The following HSDL2 variants were observed in gnomAD, a reference collection of about 807,000 sequenced individuals.
The protein encoded by HSDL2 is hydroxysteroid dehydrogenase like 2, also known as hydroxysteroid dehydrogenase-like protein 2.
Under a neutral mutation model 46.3 loss-of-function variants are expected in HSDL2, and 27 were observed. The observed-to-expected ratio is 0.58, with a 90% CI of 0.43 to 0.80. The LOEUF is 0.80. Among genes scored for constraint, HSDL2 ranks in the 30% least tolerant of loss-of-function variants. The probability of loss-of-function intolerance (pLI) is 0.00; values close to 1 mark genes in which losing one functional copy is unlikely to be tolerated. For synonymous variants in HSDL2, 153 were observed against 163.6 expected (o/e 0.94, Z 0.50); for missense variants, 451 against 502.7 (o/e 0.90, Z 0.98).
Position 112,404,007 on chromosome 9 carries a change from A to G in HSDL2, c.30A>G (p.Gly10=). The G allele has an allele frequency of 1.9e-6, 3 of 1,614,050 alleles. No individual in the cohort carries two copies. Among genetic ancestry groups the G allele is most frequent in the Non-Finnish European group, 2.5e-6 (3 of 1,179,954 alleles). The change falls in exon 2 of 11, where the codon GGA becomes GGG. Residue 10 remains glycine (G), a synonymous_variant. Coordinates refer to ENST00000398805, the MANE Select transcript of HSDL2 (RefSeq NM_032303.5). ...TGTTCTGTTGTAGGAGGCTGGCAGG[A>G]TGTACAGTTTTTATCACAGGTGCAA... is the stretch of plus-strand genomic sequence containing the variant. MLPNTGRLA[G]CTVFITGASR... is the part of the protein sequence containing the mutation.
At chr9:112,388,348 C>T (rs1587925615) in intron 1 of HSDL2, among the ~76,000 whole-genome samples, 1 of 151,586 alleles carries the variant, frequency 6.6e-6, no homozygotes, top group East Asian at 1.9e-4. Flanking sequence ...GTAATCCCAG[C>T]TACTCGGGAG....
At chr9:112,419,458 C>T (rs1417499609) in intron 6 of HSDL2, among the ~76,000 whole-genome samples, 1 of 152,154 alleles carries the variant, frequency 6.6e-6, no homozygotes, top group Non-Finnish European at 1.5e-5. Flanking sequence ...TTGGCTTAGA[C>T]TACATGAGTG....
intron 10 of HSDL2, among the ~76,000 whole-genome samples, chr9:112,459,812 T>C (rs1487381031): frequency 6.6e-6 from 1 of 152,174 alleles, no homozygotes; most frequent in African/African-American, 2.4e-5. Context: ...TAATATAATG[T>C]TGGGAACAGT....
intron 7 of HSDL2, 87 bp downstream of exon 7, chr9:112,438,712 T>C: frequency 1.3e-6 from 1 of 778,634 alleles, no homozygotes; most frequent in Non-Finnish European, 2.0e-6. Context: ...TGTGTTTGTG[T>C]GATTGTAAAA....
At chr9:112,414,439 C>A (rs374844878) in intron 4 of HSDL2, among the ~76,000 whole-genome samples, 2 of 152,168 alleles carry the variant, frequency 1.3e-5, no homozygotes, top group South Asian at 2.1e-4. Flanking sequence ...CTATTTTATT[C>A]GGCTGAAGGT....
At chr9:112,409,669 C>CA (rs34816838) in intron 4 of HSDL2, among the ~76,000 whole-genome samples, 4 of 151,576 alleles carry the variant, frequency 2.6e-5, no homozygotes, top group African/African-American at 7.3e-5. Context: ...GCTGTCTCTA[C>CA]AAAAAAAAGT....
At chr9:112,445,035 C>T (rs1325185370) in intron 8 of HSDL2, among the ~76,000 whole-genome samples, 2 of 151,942 alleles carry the variant, frequency 1.3e-5, no homozygotes, top group South Asian at 2.1e-4. Flanking sequence ...CATGCCACCA[C>T]GTCCAGCTAA....
At chr9:112,419,090 C>T (rs1832061763) in intron 6 of HSDL2, 132 bp downstream of exon 6, 1 of 431,142 alleles carries the variant, frequency 2.3e-6, no homozygotes, top group African/African-American at 2.1e-5. Context: ...CTCACTGCAA[C>T]CTCTGCCTCC....
intron 10 of HSDL2, among the ~76,000 whole-genome samples, chr9:112,465,275 C>T (rs1206237819): frequency 6.6e-6 from 1 of 152,030 alleles, no homozygotes; most frequent in Non-Finnish European, 1.5e-5. Flanking sequence ...ATTACAGGAG[C>T]CCACTACCAC....
chr9:112,459,590 GT>G lies in HSDL2; in HGVS notation c.1144+16del. ...AAAATGTTTTCAGGTGAGTTTTCCAGTTTATTAGTTTACCTTATTGTTCAGA... is the reference window on the plus strand; with the variant it reads ...AAAATGTTTTCAGGTGAGTTTTCCAGTTATTAGTTTACCTTATTGTTCAGA... On this transcript the variant is annotated intron_variant, in intron 10 of 10. Transcript: ENST00000398805. 1 of 1,608,796 alleles carries G rather than the reference GT, an allele frequency of 6.2e-7. No individual in the cohort carries two copies. The highest frequency in any genetic ancestry group is 1.3e-5 in the African/African-American group (1 of 74,922).
At chr9:112,441,896 T>A in intron 8 of HSDL2, 126 bp downstream of exon 8, 1 of 602,752 alleles carries the variant, frequency 1.7e-6, no homozygotes, top group Non-Finnish European at 2.9e-6. Context: ...TTTTGTACTT[T>A]AAACTAAACA....
chr9:112,454,893 G>C (rs192503417), intron 9 of HSDL2, among the ~76,000 whole-genome samples: 71 of 151,244 alleles, frequency 4.7e-4, no homozygotes, highest in African/African-American at 1.7e-3. Flanking sequence ...TTTAGTAGAG[G>C]TGGGGTTTTG....
intron 3 of HSDL2, among the ~76,000 whole-genome samples, chr9:112,407,573 G>A (rs1480643497): frequency 6.6e-6 from 1 of 152,044 alleles, no homozygotes; most frequent in Non-Finnish European, 1.5e-5. Context: ...CCCACCACCA[G>A]GCCTAGCTAA....
intron 3 of HSDL2, among the ~76,000 whole-genome samples, chr9:112,406,869 G>A (rs1025754099): frequency 4.6e-5 from 7 of 152,144 alleles, no homozygotes; most frequent in Non-Finnish European, 1.0e-4. Context: ...TAGAAAAAAG[G>A]TGTTGGGGAT....
chr9:112,470,619 G>C lies in HSDL2; in HGVS notation c.*75G>C, dbSNP rs1437727034. On this transcript the variant is annotated 3_prime_UTR_variant, in exon 11 of 11. Transcript: ENST00000398805. ...GCTCAACAGTTAAAATCTAATGTTT[G>C]TTTTCTTTCCTGTTATATTATAAGG... The C allele has an allele frequency of 7.7e-6, 6 of 782,828 alleles. No individual in the cohort carries two copies. Among genetic ancestry groups the C allele is most frequent in the African/African-American group, 1.8e-5 (1 of 56,084 alleles). 48.5% of individuals were successfully genotyped at this position (782,828 alleles called of 1,614,324 possible).
intron 1 of HSDL2, among the ~76,000 whole-genome samples, chr9:112,400,858 A>G (rs534109906): frequency 1.3e-5 from 2 of 152,268 alleles, no homozygotes; most frequent in South Asian, 2.1e-4. Flanking sequence ...CTGTCTTTAC[A>G]TAGTCTTCCT....
At chr9:112,434,904 A>G (rs1337207237) in intron 6 of HSDL2, among the ~76,000 whole-genome samples, 1 of 152,134 alleles carries the variant, frequency 6.6e-6, no homozygotes, top group East Asian at 1.9e-4. Context: ...TTATTTCTTA[A>G]TAAGACTTAA....
chr9:112,421,583 TG>T (rs1832125920), intron 6 of HSDL2, among the ~76,000 whole-genome samples: 2 of 152,154 alleles, frequency 1.3e-5, no homozygotes, highest in South Asian at 4.1e-4. Flanking sequence ...TTTTTTTTAG[TG>T]GAAAGGGGGT....
At chr9:112,426,166 G>A (rs956154844) in intron 6 of HSDL2, among the ~76,000 whole-genome samples, 1 of 151,690 alleles carries the variant, frequency 6.6e-6, no homozygotes, top group African/African-American at 2.4e-5. Context: ...TCTGTAGTCC[G>A]TGGGCTGGCA....
Sources: gnomAD v4.1 joint callset for allele counts (sites outside exome capture counted in the v4.1 genomes callset) on GRCh38, gnomAD v4.1.1 for gene constraint, MANE v1.5 for transcripts, NCBI Gene and HGNC (gene_info 2026-07-23, HGNC 2026-07-21) for gene names.